The following ATP8A1 variants were observed in gnomAD, a reference collection of about 807,000 sequenced individuals.
ATP8A1 encodes the protein ATPase phospholipid transporting 8A1, also known as phospholipid-transporting ATPase IA.
In ATP8A1, 90 loss-of-function variants were observed where a neutral mutation model predicts 177.7. The ratio of observed to expected loss-of-function variants is 0.51; its 90% CI spans 0.43 to 0.60. The LOEUF is 0.60. Among genes scored for constraint, ATP8A1 ranks in the 20% least tolerant of loss-of-function variants. The pLI is 0.00. For missense variants in ATP8A1, 1,072 were observed against 1,392.8 expected (o/e 0.77, Z 3.67); for synonymous variants, 493 against 485.9 (o/e 1.01, Z -0.19).
At chr4:42,575,783 C>T (rs1303186423) in intron 12 of ATP8A1, 84 bp from the exon 13 acceptor site, 4 of 1,114,382 alleles carry the variant, frequency 3.6e-6, no homozygotes, top group African/African-American at 3.1e-5. Context: ...TTAGTATATT[C>T]GTACTTCAAT....
chr4:42,421,837 C>T (rs1713974411), intron 35 of ATP8A1, among the ~76,000 whole-genome samples: 1 of 152,092 alleles, frequency 6.6e-6, no homozygotes, highest in Admixed American at 6.6e-5. Flanking sequence ...CTCCTCCTAT[C>T]TTAATAATTG....
At chr4:42,435,913 T>C (rs1169719030) in intron 33 of ATP8A1, among the ~76,000 whole-genome samples, 3 of 152,204 alleles carry the variant, frequency 2.0e-5, no homozygotes, top group Non-Finnish European at 2.9e-5. Flanking sequence ...CAAATTATCT[T>C]TACTTATTCT....
intron 33 of ATP8A1, among the ~76,000 whole-genome samples, chr4:42,428,520 A>T (rs1214018403): frequency 2.6e-5 from 4 of 152,164 alleles, no homozygotes; most frequent in Admixed American, 1.3e-4. Context: ...TCTCTGGCCA[A>T]CTTTGCTTAT....
intron 3 of ATP8A1, 72 bp downstream of exon 3, chr4:42,625,542 C>T (rs1737973140): frequency 3.0e-6 from 3 of 998,532 alleles, no homozygotes; most frequent in Admixed American, 2.5e-5. Context: ...ACATAAACCT[C>T]AGGGGATTGG....
chr4:42,459,481 A>T (rs1218644617), intron 27 of ATP8A1: 2 of 319,908 alleles, frequency 6.3e-6, no homozygotes, highest in Non-Finnish European at 1.3e-5. Context: ...GTATCTTGAT[A>T]AATCTATGTA....
chr4:42,533,821 G>C (rs1490328812), intron 20 of ATP8A1, among the ~76,000 whole-genome samples: 1 of 152,170 alleles, frequency 6.6e-6, no homozygotes, highest in Non-Finnish European at 1.5e-5. Context: ...ACAGCTGAGA[G>C]ACCTGAAGAT....
At chr4:42,479,638 T>C (rs1721447504) in intron 25 of ATP8A1, among the ~76,000 whole-genome samples, 1 of 152,240 alleles carries the variant, frequency 6.6e-6, no homozygotes, top group Non-Finnish European at 1.5e-5. Context: ...TGTAAAGCTT[T>C]GGGGAGGCCT....
At position 42,653,196 on chromosome 4, in the gene ATP8A1, C is replaced by T. The variant is rs1026722227; in HGVS notation, c.49+3629G>A. On this transcript the variant is annotated intron_variant, in intron 1 of 36. Transcript: ENST00000381668. ...CCCACCAGGCCAACTCCCTTATCTC[C>T]TTCATGCCAACTTTTCAATGAGGGC... 9.8e-4 allele frequency among the ~76,000 whole-genome samples: 149 copies of T among 152,328 alleles called. 2 individuals are homozygous for T. Among genetic ancestry groups the T allele is most frequent in the African/African-American group, 3.2e-3 (132 of 41,570 alleles).
intron 3 of ATP8A1, among the ~76,000 whole-genome samples, 197 bp from the exon 4 acceptor site, chr4:42,624,831 T>C (rs1372080262): frequency 6.6e-6 from 1 of 152,112 alleles, no homozygotes; most frequent in Non-Finnish European, 1.5e-5. Flanking sequence ...CAGTAAGCAG[T>C]TGTATATAGG....
Position 42,634,018 on chromosome 4 carries a change from T to C in ATP8A1, c.50-6909A>G, listed in dbSNP as rs146182257. 5.9e-5 allele frequency among the ~76,000 whole-genome samples: 9 copies of C among 152,242 alleles called. No individual in the cohort carries two copies. In the South Asian group the frequency reaches 8.3e-4, roughly 14 times the overall value. ...TAAAACAAAAAGAAGCAGGGCCAGA[T>C]TGGGAGAATAACAGCCTGAATTTAT... On this transcript the variant is annotated intron_variant, in intron 1 of 36. Coordinates refer to ENST00000381668, the MANE Select transcript of ATP8A1 (RefSeq NM_006095.2).
chr4:42,657,098 G>A lies in ATP8A1; in HGVS notation c.-225C>T, dbSNP rs1027092734. The stretch of plus-strand genomic sequence containing the variant: ...GGTGGCGGCGCCCGCAGAGCTGGGC[G>A]AGCTCTTGCTGCAGCCGCGGAGGGG... On this transcript the variant is annotated 5_prime_UTR_variant, in exon 1 of 37. Coordinates refer to ENST00000381668, the MANE Select transcript of ATP8A1 (RefSeq NM_006095.2). 1 of 388,156 alleles carries A rather than the reference G, an allele frequency of 2.6e-6. No individual in the cohort carries two copies. Among genetic ancestry groups the A allele is most frequent in the Non-Finnish European group, 4.4e-6 (1 of 227,292 alleles). The allele number at this position is 388,156 out of a possible 1,614,324, so 24.0% of individuals were successfully genotyped here.
At chr4:42,483,530 G>A (rs545806979) in intron 25 of ATP8A1, among the ~76,000 whole-genome samples, 5 of 152,228 alleles carry the variant, frequency 3.3e-5, no homozygotes, top group Admixed American at 2.0e-4. Context: ...GCACGTGCAC[G>A]GCAGGGTGTG....
At chr4:42,547,959 C>T (rs910385405) in intron 19 of ATP8A1, among the ~76,000 whole-genome samples, 12 of 152,178 alleles carry the variant, frequency 7.9e-5, no homozygotes, top group Non-Finnish European at 1.0e-4. Context: ...GTGAAGTGTC[C>T]TGTGAATGGT....
chr4:42,451,939 A>G, intron 30 of ATP8A1, 42 bp downstream of exon 30: 1 of 1,380,856 alleles, frequency 7.2e-7, no homozygotes, highest in Non-Finnish European at 1.0e-6. Context: ...TTTCTAAAAA[A>G]GTAAAAAGTC....
intron 1 of ATP8A1, among the ~76,000 whole-genome samples, chr4:42,628,970 C>T (rs1473363959): frequency 6.6e-6 from 1 of 152,168 alleles, no homozygotes; most frequent in Non-Finnish European, 1.5e-5. Context: ...AGCTGAGGAA[C>T]TGGGTGTTAC....
intron 27 of ATP8A1, among the ~76,000 whole-genome samples, chr4:42,460,616 C>T (rs1465767493): frequency 2.0e-5 from 3 of 151,808 alleles, no homozygotes; most frequent in East Asian, 1.9e-4. Context: ...CTCGAACTCC[C>T]GACCTTGTGA....
intron 1 of ATP8A1, among the ~76,000 whole-genome samples, chr4:42,631,478 G>T (rs2109508252): frequency 6.6e-6 from 1 of 152,296 alleles, no homozygotes; most frequent in South Asian, 2.1e-4. Flanking sequence ...CCCACCAGTG[G>T]TTAGGTGAAC....
rs56232579 is a variant in ATP8A1, at chr4:42,620,380, T to C, written c.363+4156A>G. ...CTCACAATACTATTATTACATTCTTTAGGACTGCATGATTAGCAACTTTCT... is the reference window on the plus strand; with the variant it reads ...CTCACAATACTATTATTACATTCTTCAGGACTGCATGATTAGCAACTTTCT... On this transcript the variant is annotated intron_variant, in intron 4 of 36. Transcript: ENST00000381668. Among the ~76,000 whole-genome samples, 1,178 of 152,350 alleles carry C rather than the reference T, an allele frequency of 7.7e-3. 20 individuals are homozygous for C. The highest frequency in any genetic ancestry group is 0.027 in the African/African-American group (1,117 of 41,582).
chr4:42,466,759 T>A (rs553538546), intron 25 of ATP8A1, among the ~76,000 whole-genome samples: 1 of 152,392 alleles, frequency 6.6e-6, no homozygotes, highest in Admixed American at 6.5e-5. Context: ...TTAGCTTGAT[T>A]TTTCTTCAAA....
Sources: gnomAD v4.1 joint callset for allele counts (sites outside exome capture counted in the v4.1 genomes callset) on GRCh38, gnomAD v4.1.1 for gene constraint, MANE v1.5 for transcripts, NCBI Gene and HGNC (gene_info 2026-07-23, HGNC 2026-07-21) for gene names.